The following PTP4A3 variants were observed in gnomAD, a reference collection of about 807,000 sequenced individuals.
PTP4A3 encodes the protein protein tyrosine phosphatase type IVA 3.
Under a neutral mutation model 15.2 loss-of-function variants are expected in PTP4A3, and 9 were observed. That is an observed-to-expected ratio of 0.59 (90% CI 0.36 to 1.03). The LOEUF (loss-of-function observed/expected upper bound fraction) is 1.03, where lower values mean the gene tolerates loss of function less well. PTP4A3 is among the 50% of genes least tolerant of loss of function. The pLI, the probability that PTP4A3 is intolerant of heterozygous loss-of-function variation, is 0.02. For synonymous variants in PTP4A3, 95 were observed against 102.0 expected (o/e 0.93, Z 0.41); for missense variants, 234 against 252.1 (o/e 0.93, Z 0.49).
intron 5 of PTP4A3, among the ~76,000 whole-genome samples, chr8:141,428,035 G>T (rs879249113): frequency 6.6e-6 from 1 of 152,032 alleles, no homozygotes; most frequent in South Asian, 2.1e-4. Context: ...AGCCACACAG[G>T]GACACAGCGA....
At chr8:141,397,787 G>A (rs1832490193) in intron 1 of PTP4A3, among the ~76,000 whole-genome samples, 1 of 152,236 alleles carries the variant, frequency 6.6e-6, no homozygotes, top group Non-Finnish European at 1.5e-5. Context: ...CTGGAAGGGA[G>A]TTGAACAAAA....
intron 1 of PTP4A3, among the ~76,000 whole-genome samples, chr8:141,404,882 C>T (rs982827838): frequency 2.0e-5 from 3 of 152,182 alleles, no homozygotes; most frequent in Non-Finnish European, 2.9e-5. Context: ...CATGGAGCAG[C>T]GCCTGGCACT....
At chr8:141,407,071 C>T (rs1832748451) in intron 1 of PTP4A3, among the ~76,000 whole-genome samples, 1 of 152,188 alleles carries the variant, frequency 6.6e-6, no homozygotes, top group Non-Finnish European at 1.5e-5. Context: ...CTCCCCTGGC[C>T]ACTGGGACCT....
Position 141,425,912 on chromosome 8 carries a change from C to T in PTP4A3, c.198+772C>T, listed in dbSNP as rs776862444. Among the ~76,000 whole-genome samples, 4 of 152,180 alleles carry T rather than the reference C, an allele frequency of 2.6e-5. No homozygotes were observed. Among genetic ancestry groups the T allele is most frequent in the African/African-American group, 4.8e-5 (2 of 41,434 alleles). On this transcript the variant is annotated intron_variant, in intron 3 of 5. Coordinates refer to ENST00000521578, the MANE Select transcript of PTP4A3 (RefSeq NM_032611.3). The surrounding 1 kb of genome is among the most constrained non-coding windows in gnomAD (Gnocchi z 4.2). ...CCCGCCTCTGCCCTCCCCAGCCTTG[C>T]GACCCTGCAGGTCACTCCGAGCCTT...
rs1281561672 is a variant in PTP4A3, at chr8:141,425,253, A to G, written c.198+113A>G. On this transcript the variant is annotated intron_variant, in intron 3 of 5. Coordinates refer to ENST00000521578, the MANE Select transcript of PTP4A3 (RefSeq NM_032611.3). The surrounding 1 kb of genome is among the most constrained non-coding windows in gnomAD (Gnocchi z 4.2). ...TGCCCCTCCTGTGGCAGCCCTGGGC[A>G]TGTCTGTGCCTGGGCCACGTGTGTG... The G allele has an allele frequency of 1.8e-6, 2 of 1,104,088 alleles. No homozygotes were observed. The highest frequency in any genetic ancestry group is 2.6e-6 in the Non-Finnish European group (2 of 764,762). 68.4% of individuals were successfully genotyped at this position (1,104,088 alleles called of 1,614,324 possible). A position where few individuals can be genotyped will look rare whatever the true frequency, so the allele number is the denominator to read the frequency against.
intron 1 of PTP4A3, among the ~76,000 whole-genome samples, chr8:141,403,806 G>A (rs867182948): frequency 6.6e-6 from 1 of 152,256 alleles, no homozygotes; most frequent in Non-Finnish European, 1.5e-5. Context: ...CTGCCACCAC[G>A]CACTTCAAAA....
chr8:141,394,314 C>A (rs918287499), intron 1 of PTP4A3, among the ~76,000 whole-genome samples: 2 of 152,120 alleles, frequency 1.3e-5, no homozygotes, highest in African/African-American at 2.4e-5. Flanking sequence ...TGATTTTTCG[C>A]CCCCCAAGAC....
At chr8:141,424,324 G>C (rs531512369) in intron 2 of PTP4A3, among the ~76,000 whole-genome samples, 3 of 152,146 alleles carry the variant, frequency 2.0e-5, no homozygotes, top group Admixed American at 1.3e-4. Flanking sequence ...TATAACTATC[G>C]GCCTGGCTGT....
intron 2 of PTP4A3, 51 bp from the exon 3 acceptor site, chr8:141,424,997 G>A: frequency 1.3e-6 from 2 of 1,499,326 alleles, no homozygotes; most frequent in Non-Finnish European, 1.8e-6. Flanking sequence ...CCTGCCCCCT[G>A]AGCCCTGCAG....
chr8:141,394,044 G>A (rs1832373919), intron 1 of PTP4A3, among the ~76,000 whole-genome samples: 1 of 152,232 alleles, frequency 6.6e-6, no homozygotes, highest in South Asian at 2.1e-4. Flanking sequence ...GACTGAGAGG[G>A]GGGCATAAGC....
At chr8:141,427,672 G>C in intron 4 of PTP4A3, 78 bp from the exon 5 acceptor site, 5 of 1,314,200 alleles carry the variant, frequency 3.8e-6, no homozygotes, top group Non-Finnish European at 5.2e-6. Context: ...CCCGTGCCCT[G>C]CATCTTCAGC....
intron 2 of PTP4A3, 95 bp downstream of exon 2, chr8:141,422,440 C>T (rs1394599083): frequency 1.7e-5 from 23 of 1,367,582 alleles, no homozygotes; most frequent in Non-Finnish European, 2.4e-5. Context: ...GTCCCCAGCC[C>T]CGGCTGGCCA....
At chr8:141,401,892 C>T (rs1199209033) in intron 1 of PTP4A3, among the ~76,000 whole-genome samples, 2 of 152,202 alleles carry the variant, frequency 1.3e-5, no homozygotes, top group Non-Finnish European at 2.9e-5. Context: ...GCTGTGGCCC[C>T]AGCAGGGCCC....
chr8:141,427,929 G>C (rs1442906201), intron 5 of PTP4A3, 105 bp downstream of exon 5: 2 of 1,127,264 alleles, frequency 1.8e-6, no homozygotes, highest in Non-Finnish European at 2.5e-6. Flanking sequence ...TCGCTCTGAG[G>C]CTGCGTCGAT....
rs142885973 is a variant in PTP4A3, at chr8:141,425,062, C to T, written c.120C>T (p.Tyr40=). The change falls in exon 3 of 6, where the codon TAC becomes TAT. Residue 40 remains tyrosine, a synonymous_variant. Transcript: ENST00000521578. The surrounding 1 kb of genome is among the most constrained non-coding windows in gnomAD (Gnocchi z 4.2). ...LSTFIEDLKK[Y]GATTVVRVCE... The stretch of plus-strand genomic sequence containing the variant: ...CCCACCCCCAGGACCTGAAGAAGTA[C>T]GGGGCTACCACTGTGGTGCGTGTGT... 91 of 1,612,934 alleles carry T rather than the reference C, an allele frequency of 5.6e-5. No homozygotes were observed. Among genetic ancestry groups the T allele is most frequent in the Middle Eastern group, 1.6e-4 (1 of 6,082 alleles).
rs1451662140 is a variant in PTP4A3, at chr8:141,432,376, A to T, written c.*1332A>T. ...CCAGCTCCTGTGTGGAGAAAGGGCAACAGCTGTCCCGGATGGTTATTCTCT... is the reference window on the plus strand; with the variant it reads ...CCAGCTCCTGTGTGGAGAAAGGGCATCAGCTGTCCCGGATGGTTATTCTCT... On this transcript the variant is annotated 3_prime_UTR_variant, in exon 6 of 6. Transcript: ENST00000521578. 1 of 152,244 alleles carries T rather than the reference A, an allele frequency of 6.6e-6. No homozygotes were observed. Among genetic ancestry groups the T allele is most frequent in the Non-Finnish European group, 1.5e-5 (1 of 68,048 alleles). 9.4% of individuals were successfully genotyped at this position (152,244 alleles called of 1,614,324 possible).
At position 141,427,844 on chromosome 8, in the gene PTP4A3, G is replaced by A; in HGVS notation, c.404+20G>A. 6.5e-7 allele frequency: 1 copy of A among 1,546,092 alleles called. No homozygotes were observed. Among genetic ancestry groups the A allele is most frequent in the Non-Finnish European group, 8.7e-7 (1 of 1,144,228 alleles). ...CCGCCAGTGAGTGGCCGCGGTGGTG[G>A]GGTGGGCTGTGAGCGCTGGGGGAGG... is the stretch of plus-strand genomic sequence containing the variant. On this transcript the variant is annotated intron_variant, in intron 5 of 5. Transcript: ENST00000521578.
intron 1 of PTP4A3, among the ~76,000 whole-genome samples, chr8:141,408,300 A>G (rs537315786): frequency 6.6e-6 from 1 of 152,370 alleles, no homozygotes; most frequent in African/African-American, 2.4e-5. Context: ...TGAATATATT[A>G]AAAACACTGA....
chr8:141,412,009 A>C (rs1271934496), intron 1 of PTP4A3, among the ~76,000 whole-genome samples: 1 of 152,210 alleles, frequency 6.6e-6, no homozygotes, highest in African/African-American at 2.4e-5. Flanking sequence ...CTGAGGATGG[A>C]CATGGGCATT....
Sources: gnomAD v4.1 joint callset for allele counts (sites outside exome capture counted in the v4.1 genomes callset) on GRCh38, gnomAD v4.1.1 for gene constraint, Gnocchi (gnomAD v3.1) non-coding constraint, MANE v1.5 for transcripts, NCBI Gene and HGNC (gene_info 2026-07-23, HGNC 2026-07-21) for gene names.